DGKZ: variants seen among roughly 807,000 people sequenced by gnomAD.
DGKZ encodes DAG kinase zeta.
DGKZ carries 45 observed loss-of-function variants against 142.5 expected under a neutral mutation model. The observed-to-expected ratio is 0.32, with a 90% confidence interval of 0.25 to 0.40. DGKZ has a LOEUF of 0.40. Among genes scored for constraint, DGKZ ranks in the 10% least tolerant of loss-of-function variants. DGKZ has a pLI of 1.00. For missense variants in DGKZ, 755 were observed against 1,306.5 expected (o/e 0.58, Z 6.51); for synonymous variants, 442 against 527.0 (o/e 0.84, Z 2.21).
Position 46,367,523 on chromosome 11 carries a change from G to T in DGKZ, c.270+124G>T, listed in dbSNP as rs985480469. 2.3e-6 allele frequency: 3 copies of T among 1,306,120 alleles called. No homozygotes were observed. The African/African-American group carries it at 4.5e-5, about 20-fold the overall frequency. The allele number at this position is 1,306,120 out of a possible 1,614,324, so 80.9% of individuals were successfully genotyped here. On this transcript the variant is annotated intron_variant, in intron 2 of 30. Transcript: ENST00000527911. The surrounding 1 kb of genome is among the most constrained non-coding windows in gnomAD (Gnocchi z 4.1). ...CTGGAAGGGTTGGGACAGTGGGGCA[G>T]ACGGAACAGAGCAGGGTCGATCGGG...
chr11:46,347,289 T>C (rs1397173588), upstream of DGKZ: 16 of 983,846 alleles, frequency 1.6e-5, no homozygotes, highest in Non-Finnish European at 1.8e-5. The surrounding 1 kb of genome is among the most constrained non-coding windows in gnomAD (Gnocchi z 6.4). Flanking sequence ...GGCTTTCTGC[T>C]GCCCCGCCCA....
At chr11:46,377,993 C>T in intron 25 of DGKZ, 1 of 638,434 alleles carries the variant, frequency 1.6e-6, no homozygotes, top group South Asian at 1.9e-5. Context: ...GTTTGTATCC[C>T]TGAACTAGAA....
At chr11:46,374,033 G>A (rs781516722) in intron 14 of DGKZ, 124 bp from the exon 15 acceptor site, 6 of 1,020,650 alleles carry the variant, frequency 5.9e-6, no homozygotes, top group African/African-American at 4.7e-5. Context: ...GAGCCCTAGC[G>A]GACGCTGCTG....
At chr11:46,380,056 C>G in exon 31 of DGKZ, 1 of 1,136,966 alleles carries the variant, frequency 8.8e-7, no homozygotes, top group Non-Finnish European at 1.2e-6. Context: ...GACCTAGGCC[C>G]CAGGGAAAGA....
At chr11:46,375,378 A>G in intron 19 of DGKZ, 54 bp from the exon 20 acceptor site, 1 of 1,507,646 alleles carries the variant, frequency 6.6e-7, no homozygotes, top group Non-Finnish European at 8.9e-7. Flanking sequence ...AGAGTCTGGG[A>G]CCCCCCTGCC....
chr11:46,346,779 C>T (rs982870815), upstream of DGKZ, among the ~76,000 whole-genome samples: 45 of 152,030 alleles, frequency 3.0e-4, no homozygotes, highest in African/African-American at 1.1e-3. Flanking sequence ...CTGTTGAATA[C>T]TATGTCAGGA....
In DGKZ at chr11:46,379,246, T is replaced by C; in HGVS notation, c.2573+10T>C. ...ATGCGGTGGAGGAAAAGTAAGTATC[T>C]GGGCAGTGCAGAACCGTGGTCACCC... On this transcript the variant is annotated intron_variant, in intron 29 of 30. Transcript: ENST00000527911. 6.2e-7 allele frequency: 1 copy of C among 1,612,472 alleles called. No individual in the cohort carries two copies. The highest frequency in any genetic ancestry group is 8.5e-7 in the Non-Finnish European group (1 of 1,179,344).
upstream of DGKZ, among the ~76,000 whole-genome samples, chr11:46,346,692 C>T (rs140216308): frequency 7.9e-3 from 1,200 of 152,028 alleles, 10 homozygotes; most frequent in Non-Finnish European, 0.012. Flanking sequence ...GAGTGTGGTA[C>T]CTGTTGTCCT....
chr11:46,365,109 G>T, intron 1 of DGKZ: 2 of 985,400 alleles, frequency 2.0e-6, no homozygotes, highest in Non-Finnish European at 2.4e-6. Flanking sequence ...AGGTGAGCTG[G>T]CAGAGGGAGC....
At chr11:46,347,446 C>T (rs1315324029), upstream of DGKZ, 1 of 982,630 alleles carries the variant, frequency 1.0e-6, no homozygotes, top group African/African-American at 1.8e-5. The surrounding 1 kb of genome is among the most constrained non-coding windows in gnomAD (Gnocchi z 6.4). Flanking sequence ...ATGCGGGGTC[C>T]TGCGGCCGCG....
At chr11:46,354,864 A>G (rs550222730) in intron 1 of DGKZ, among the ~76,000 whole-genome samples, 41 of 152,372 alleles carry the variant, frequency 2.7e-4, no homozygotes, top group African/African-American at 9.9e-4. Flanking sequence ...CATCCTAAAC[A>G]TGAATTCTCA....
chr11:46,335,427 GCACACA>G (rs56935902), intron 1 of DGKZ, among the ~76,000 whole-genome samples: 43 of 147,924 alleles, frequency 2.9e-4, no homozygotes, highest in Middle Eastern at 3.6e-3. Flanking sequence ...ACACGTGCAC[GCACACA>G]CACACACACA....
chr11:46,376,710 G>T (rs1269439304), intron 24 of DGKZ, 146 bp downstream of exon 24: 6 of 1,096,970 alleles, frequency 5.5e-6, no homozygotes, highest in Non-Finnish European at 8.0e-6. Context: ...TGTGTGCATG[G>T]ACAGCGTGCG....
intron 1 of DGKZ, chr11:46,365,295 C>T: frequency 1.0e-6 from 1 of 985,408 alleles, no homozygotes; most frequent in African/African-American, 1.7e-5. Context: ...CAGGCTCCAT[C>T]AGGAGCAGAG....
Position 46,367,417 on chromosome 11 carries a change from CCTGGGTCCCAGACCCT to C in DGKZ, c.270+24_270+39del. On this transcript the variant is annotated intron_variant, in intron 2 of 30. Transcript: ENST00000527911. The surrounding 1 kb of genome is among the most constrained non-coding windows in gnomAD (Gnocchi z 4.1). ...ACTGGAGCGTGAGTGCCTGAACACC[CCTGGGTCCCAGACCCT>C]CTGGGCTCTTGGCCAAGGCGCAGCT... 6.2e-7 allele frequency: 1 copy of C among 1,610,778 alleles called. No homozygotes were observed. Among genetic ancestry groups the C allele is most frequent in the Non-Finnish European group, 8.5e-7 (1 of 1,178,240 alleles).
chr11:46,365,090 G>A (rs1943099236), intron 1 of DGKZ: 3 of 985,416 alleles, frequency 3.0e-6, no homozygotes, highest in Non-Finnish European at 3.6e-6. Flanking sequence ...AGAAGGGTAG[G>A]CAGGGCTGAG....
At chr11:46,345,339 T>G, upstream of DGKZ, 1 of 1,387,564 alleles carries the variant, frequency 7.2e-7, no homozygotes, top group Non-Finnish European at 9.3e-7. The surrounding 1 kb of genome is among the most constrained non-coding windows in gnomAD (Gnocchi z 4.1). Context: ...GCCAGCGGCC[T>G]CTAGCAGGCC....
chr11:46,372,096 A>C lies in DGKZ; in HGVS notation c.853A>C (p.Ile285Leu). 6.2e-7 allele frequency: 1 copy of C among 1,611,174 alleles called. No individual in the cohort carries two copies. Among genetic ancestry groups the C allele is most frequent in the African/African-American group, 1.3e-5 (1 of 74,918 alleles). ...CCAGGAGGGCCGCTGGAGACCCTTC[A>C]TCATCAGGCCCACCCCCTCCCCGCT... The change falls in exon 10 of 31, where the codon ATC (isoleucine) becomes CTC (leucine). Residue 285 changes from isoleucine to leucine, a missense_variant. Transcript: ENST00000527911. The surrounding 1 kb of genome is among the most constrained non-coding windows in gnomAD (Gnocchi z 5.9).
intron 1 of DGKZ, among the ~76,000 whole-genome samples, chr11:46,342,461 C>G (rs1314125391): frequency 6.6e-6 from 1 of 152,230 alleles, no homozygotes; most frequent in African/African-American, 2.4e-5. Flanking sequence ...AAAACAAGCC[C>G]AGCCCCATTT....
Sources: gnomAD v4.1 joint callset for allele counts (sites outside exome capture counted in the v4.1 genomes callset) on GRCh38, gnomAD v4.1.1 for gene constraint, Gnocchi (gnomAD v3.1) non-coding constraint, MANE v1.5 for transcripts, NCBI Gene and HGNC (gene_info 2026-07-23, HGNC 2026-07-21) for gene names.